CXXC1: variants seen among roughly 807,000 people sequenced by gnomAD.
The protein encoded by CXXC1 is CXXC-type zinc finger protein 1.
CXXC1 carries 21 observed loss-of-function variants against 83.6 expected under a neutral mutation model. The observed-to-expected ratio is 0.25, with a 90% CI of 0.18 to 0.36. The LOEUF (loss-of-function observed/expected upper bound fraction) is 0.36, where lower values mean the gene tolerates loss of function less well. CXXC1 is among the 10% of genes least tolerant of loss of function. The probability of loss-of-function intolerance (pLI) is 1.00; values close to 1 mark genes in which losing one functional copy is unlikely to be tolerated. For missense variants in CXXC1, 688 were observed against 919.5 expected, an observed-to-expected ratio of 0.75 and a Z score of 3.26; for synonymous variants, 371 against 337.5, an observed-to-expected ratio of 1.10 and a Z score of -1.09.
rs1385451316 is a variant in CXXC1, at chr18:50,285,729, C to G, written c.639+20G>C. On this transcript the variant is annotated intron_variant, in intron 5 of 14. Coordinates refer to ENST00000285106, the MANE Select transcript of CXXC1 (RefSeq NM_014593.4). This position sits in a 1 kb window ranked among gnomAD's most constrained non-coding sequence, Gnocchi z 4.4. Reference sequence around the variant, plus strand: ...CCAGCTCTCCCACACCTGACCCTACCCAGCTCTGTCCATGCTCACCCGGGC... The same window carrying G: ...CCAGCTCTCCCACACCTGACCCTACGCAGCTCTGTCCATGCTCACCCGGGC... 1 of 1,608,964 alleles carries G rather than the reference C, an allele frequency of 6.2e-7. No homozygotes were observed. Among genetic ancestry groups the G allele is most frequent in the African/African-American group, 1.3e-5 (1 of 75,044 alleles).
chr18:50,284,625 G>T, intron 8 of CXXC1, 63 bp from the exon 9 acceptor site: 1 of 1,597,792 alleles, frequency 6.3e-7, no homozygotes, highest in African/African-American at 1.3e-5. Flanking sequence ...CCAGACCCTT[G>T]CTCCATTCTA....
chr18:50,282,698 C>T lies in CXXC1; in HGVS notation c.1866G>A (p.Val622=). 2 of 1,613,896 alleles carry T rather than the reference C, an allele frequency of 1.2e-6. No individual in the cohort carries two copies. The highest frequency in any genetic ancestry group is 1.3e-5 in the African/African-American group (1 of 75,050). ...LDELFEQERN[V]RTAMTNRAGL... ...CCGCGCGGTTTGTCATGGCTGTGCG[C>T]ACATTGCGCTCCTGCTCAAACAGCT... is the stretch of plus-strand genomic sequence containing the variant. The change falls in exon 15 of 15, where the codon GTG becomes GTA. Residue 622 remains valine, a synonymous_variant. Transcript: ENST00000285106. The surrounding 1 kb of genome is among the most constrained non-coding windows in gnomAD (Gnocchi z 5.8).
Position 50,286,422 on chromosome 18 carries a change from G to T in CXXC1, c.223+117C>A, listed in dbSNP as rs996900262. 5 of 1,070,550 alleles carry T rather than the reference G, an allele frequency of 4.7e-6. No individual in the cohort carries two copies. The African/African-American group carries it at 7.8e-5, about 17-fold the overall frequency. The allele number at this position is 1,070,550 out of a possible 1,614,324, so 66.3% of individuals were successfully genotyped here. ...CGTGGGATCTTCTATTACTCACAATGGAGCCCCATTCCAGCTCACCACAGA... is the reference window on the plus strand; with the variant it reads ...CGTGGGATCTTCTATTACTCACAATTGAGCCCCATTCCAGCTCACCACAGA... On this transcript the variant is annotated intron_variant, in intron 3 of 14. Transcript: ENST00000285106.
At chr18:50,283,866 C>A in intron 10 of CXXC1, 28 bp downstream of exon 10, 1 of 1,614,090 alleles carries the variant, frequency 6.2e-7, no homozygotes, top group Non-Finnish European at 8.5e-7. Flanking sequence ...AGTACAGGCC[C>A]TGCTCTGCTG....
At position 50,286,040 on chromosome 18, in the gene CXXC1, C is replaced by G. The variant is rs753239063; in HGVS notation, c.441G>C (p.Leu147Phe). ...CACTCACCTGGCTGGGTGTGGCCAC[C>G]AAGGGCTGCGGAGAGGATTTGTGGG... is the stretch of plus-strand genomic sequence containing the variant. ...ASPHKSSPQP[L>F]VATPSQHHQQ... Residue 147 changes from leucine (L) to phenylalanine (F), a missense_variant, in exon 4 of 15, where the codon TTG (leucine) becomes TTC (phenylalanine). Coordinates refer to ENST00000285106, the MANE Select transcript of CXXC1 (RefSeq NM_014593.4). The G allele has an allele frequency of 6.2e-7, 1 of 1,613,832 alleles. No individual in the cohort carries two copies. The highest frequency in any genetic ancestry group is 1.1e-5 in the South Asian group (1 of 91,066).
Position 50,285,046 on chromosome 18 carries a change from G to C in CXXC1, c.868C>G (p.Leu290Val). ...SDEDLPLDPD[L>V]YQDFCAGAFD... Reference sequence around the variant, plus strand: ...GCCCCTGCACAGAAGTCCTGATACAGGTCAGGATCCAGAGGTAGGTCCTCA... The same window carrying C: ...GCCCCTGCACAGAAGTCCTGATACACGTCAGGATCCAGAGGTAGGTCCTCA... The change falls in exon 7 of 15, where the codon CTG (leucine) becomes GTG (valine). Residue 290 changes from leucine (L) to valine (V), a missense_variant. Physicochemically the swap from Leu to Val is conservative, Grantham distance 32. Coordinates refer to ENST00000285106, the MANE Select transcript of CXXC1 (RefSeq NM_014593.4). The surrounding 1 kb of genome is among the most constrained non-coding windows in gnomAD (Gnocchi z 4.4). 6.2e-7 allele frequency: 1 copy of C among 1,614,256 alleles called. No individual in the cohort carries two copies. Among genetic ancestry groups the C allele is most frequent in the South Asian group, 1.1e-5 (1 of 91,088 alleles).
chr18:50,283,032 T>C, intron 13 of CXXC1, 26 bp from the exon 14 acceptor site: 1 of 1,611,442 alleles, frequency 6.2e-7, no homozygotes. Context: ...GTTGGGGGGA[T>C]GAATAGCGGT....
rs971355681 is a variant in CXXC1, at chr18:50,285,065, G to A, written c.849C>T (p.Asp283=). 6.2e-7 allele frequency: 1 copy of A among 1,614,256 alleles called. No individual in the cohort carries two copies. The highest frequency in any genetic ancestry group is 8.5e-7 in the Non-Finnish European group (1 of 1,180,046). Residue 283 remains aspartate (D), a synonymous_variant, in exon 7 of 15, where the codon GAC becomes GAT. Coordinates refer to ENST00000285106, the MANE Select transcript of CXXC1 (RefSeq NM_014593.4). The surrounding 1 kb of genome is among the most constrained non-coding windows in gnomAD (Gnocchi z 4.4). The part of the protein sequence containing the change: ...TATPEPLSDE[D]LPLDPDLYQD... ...GATACAGGTCAGGATCCAGAGGTAGGTCCTCATCTGAGAGTGGCTCAGGTG... is the reference window on the plus strand; with the variant it reads ...GATACAGGTCAGGATCCAGAGGTAGATCCTCATCTGAGAGTGGCTCAGGTG...
In CXXC1 at chr18:50,282,881, C is replaced by G. The variant is rs1488320743; in HGVS notation, c.1797G>C (p.Ala599=). The G allele has an allele frequency of 4.2e-5, 68 of 1,614,068 alleles. No homozygotes were observed. The highest frequency in any genetic ancestry group is 5.5e-5 in the Non-Finnish European group (65 of 1,180,050). ...CACGCACGCGCTCCAAGTCCACTTC[C>G]GCACGCCGCAGCTTCTCCCAGCAGT... The part of the protein sequence containing the change: ...RHYCWEKLRR[A]EVDLERVRVW... Residue 599 remains alanine (A), a synonymous_variant, in exon 14 of 15, where the codon GCG becomes GCC. Transcript: ENST00000285106. The surrounding 1 kb of genome is among the most constrained non-coding windows in gnomAD (Gnocchi z 5.8).
chr18:50,283,366 G>A lies in CXXC1; in HGVS notation c.1575-5C>T, dbSNP rs901052062. 1.2e-6 allele frequency: 2 copies of A among 1,613,140 alleles called. No homozygotes were observed. Among genetic ancestry groups the A allele is most frequent in the Non-Finnish European group, 1.7e-6 (2 of 1,179,296 alleles). The stretch of plus-strand genomic sequence containing the variant: ...TCACAGAAGAGTCGTGTGGCCCTGG[G>A]GATTTGGAGTAGAGAGGGCAGTAGA... On this transcript the variant is annotated splice_region_variant and splice_polypyrimidine_tract_variant and intron_variant, in intron 12 of 14. Transcript: ENST00000285106.
In CXXC1 at chr18:50,282,973, C is replaced by T; in HGVS notation, c.1705G>A (p.Val569Ile). 1 of 1,614,142 alleles carries T rather than the reference C, an allele frequency of 6.2e-7. No individual in the cohort carries two copies. Among genetic ancestry groups the T allele is most frequent in the Non-Finnish European group, 8.5e-7 (1 of 1,180,030 alleles). Residue 569 changes from valine to isoleucine, a missense_variant, in exon 14 of 15, where the codon GTA becomes ATA. By Grantham distance (29) the Val-to-Ile change is conservative (BLOSUM62 3). Around this residue, in one of 9 missense-constraint regions of CXXC1, gnomAD observed 114 missense variants for 173.3 expected, o/e 0.66. Coordinates refer to ENST00000285106, the MANE Select transcript of CXXC1 (RefSeq NM_014593.4). The surrounding 1 kb of genome is among the most constrained non-coding windows in gnomAD (Gnocchi z 5.8). Reference protein sequence around the residue: ...PADEVCGCPLVRDVFELTGDF... With the variant: ...PADEVCGCPLIRDVFELTGDF... ...CCCGTGAGCTCAAAGACATCACGTA[C>T]AAGGGGGCACCCGCATACCTCGTCA... is the stretch of plus-strand genomic sequence containing the variant.
intron 9 of CXXC1, 111 bp from the exon 10 acceptor site, chr18:50,284,212 G>A (rs888725815): frequency 2.8e-6 from 4 of 1,448,908 alleles, no homozygotes; most frequent in African/African-American, 2.8e-5. Context: ...GCGGAATGGT[G>A]GCTGGATGGA....
chr18:50,286,412 TACTC>T (rs1815046863), intron 3 of CXXC1, 123 bp downstream of exon 3: 7 of 1,055,718 alleles, frequency 6.6e-6, no homozygotes, highest in Middle Eastern at 2.1e-4. Flanking sequence ...GATCTTCTAT[TACTC>T]ACAATGGAGC....
chr18:50,285,282 C>T lies in CXXC1; in HGVS notation c.667-35G>A, dbSNP rs749945152. 6 of 1,611,872 alleles carry T rather than the reference C, an allele frequency of 3.7e-6. No homozygotes were observed. Among genetic ancestry groups the T allele is most frequent in the Admixed American group, 3.3e-5 (2 of 59,942 alleles). On this transcript the variant is annotated intron_variant, in intron 6 of 14. Coordinates refer to ENST00000285106, the MANE Select transcript of CXXC1 (RefSeq NM_014593.4). This position sits in a 1 kb window ranked among gnomAD's most constrained non-coding sequence, Gnocchi z 4.4. ...AGAATCTCAGGACTGGCCCTGACCG[C>T]CCTGCCCGCATGCCCCACCCCACCC...
At chr18:50,283,225 G>A in intron 13 of CXXC1, 40 bp downstream of exon 13, 1 of 1,537,448 alleles carries the variant, frequency 6.5e-7, no homozygotes, top group Non-Finnish European at 9.0e-7. Flanking sequence ...GCGAGGCAGG[G>A]AGGAGGGGCA....
Position 50,285,898 on chromosome 18 carries a change from G to A in CXXC1, c.490C>T (p.Arg164Trp). 2 of 1,614,172 alleles carry A rather than the reference G, an allele frequency of 1.2e-6. No individual in the cohort carries two copies. Among genetic ancestry groups the A allele is most frequent in the Non-Finnish European group, 1.7e-6 (2 of 1,180,030 alleles). ...CACTCACCACACATGCGGGCTGACC[G>A]TTTGATCTGCTGCTGCTGCTGCTGG... is the stretch of plus-strand genomic sequence containing the variant. ...HHQQQQQQIK[R>W]SARMCGECEA... The change falls in exon 5 of 15, where the codon CGG becomes TGG. Residue 164 changes from arginine to tryptophan, a missense_variant. Physicochemically the swap from Arg to Trp is moderately radical, Grantham distance 101 (BLOSUM62 -3). Transcript: ENST00000285106. This position sits in a 1 kb window ranked among gnomAD's most constrained non-coding sequence, Gnocchi z 4.4.
chr18:50,287,464 C>T, intron 1 of CXXC1, 123 bp downstream of exon 1: 1 of 1,201,748 alleles, frequency 8.3e-7, no homozygotes, highest in Non-Finnish European at 1.2e-6. Flanking sequence ...CCATAGACTC[C>T]CGCCGTTCAG....
chr18:50,285,047 G>C lies in CXXC1; in HGVS notation c.867C>G (p.Asp289Glu), dbSNP rs2040690774. 6.2e-7 allele frequency: 1 copy of C among 1,614,118 alleles called. No homozygotes were observed. Among genetic ancestry groups the C allele is most frequent in the Non-Finnish European group, 8.5e-7 (1 of 1,180,036 alleles). Residue 289 changes from aspartate (D) to glutamate (E), a missense_variant, in exon 7 of 15, where the codon GAC becomes GAG. By Grantham distance (45) the Asp-to-Glu change is conservative. Transcript: ENST00000285106. The surrounding 1 kb of genome is among the most constrained non-coding windows in gnomAD (Gnocchi z 4.4). ...LSDEDLPLDP[D>E]LYQDFCAGAF... is the part of the protein sequence containing the mutation. ...CCCCTGCACAGAAGTCCTGATACAGGTCAGGATCCAGAGGTAGGTCCTCAT... is the reference window on the plus strand; with the variant it reads ...CCCCTGCACAGAAGTCCTGATACAGCTCAGGATCCAGAGGTAGGTCCTCAT...
chr18:50,285,329 G>T lies in CXXC1; in HGVS notation c.662C>A (p.Ser221Tyr). Residue 221 changes from serine (S) to tyrosine (Y), a missense_variant, in exon 6 of 15, where the codon TCC (serine) becomes TAC (tyrosine). Ser to Tyr is a moderately radical substitution (Grantham distance 144). Coordinates refer to ENST00000285106, the MANE Select transcript of CXXC1 (RefSeq NM_014593.4). This position sits in a 1 kb window ranked among gnomAD's most constrained non-coding sequence, Gnocchi z 4.4. ...RARESYKYFP[S>Y]SLSPVTPSES... is the part of the protein sequence containing the mutation. ...ACCCTGGGGGGCTGGACTCACCGAGGAAGGGAAGTACTTGTACGATTCCTG... is the reference window on the plus strand; with the variant it reads ...ACCCTGGGGGGCTGGACTCACCGAGTAAGGGAAGTACTTGTACGATTCCTG... The T allele has an allele frequency of 6.2e-7, 1 of 1,603,154 alleles. No homozygotes were observed. The highest frequency in any genetic ancestry group is 1.1e-5 in the South Asian group (1 of 89,388).
Sources: gnomAD v4.1 joint callset for allele counts on GRCh38, gnomAD v4.1.1 for gene constraint, gnomAD v4.1.1 regional missense constraint, Gnocchi (gnomAD v3.1) non-coding constraint, MANE v1.5 for transcripts, NCBI Gene and HGNC (gene_info 2026-07-23, HGNC 2026-07-21) for gene names.